MYO10: variants seen among roughly 807,000 people sequenced by gnomAD.
MYO10 encodes the protein unconventional myosin-X.
MYO10 carries 133 observed loss-of-function variants against 257.3 expected under a neutral mutation model. That is an observed-to-expected ratio of 0.52 (90% CI 0.45 to 0.60). MYO10 has a LOEUF of 0.60. Ranked by LOEUF, MYO10 falls within the 20% of genes least tolerant of loss-of-function variation. MYO10 has a pLI of 0.00. For synonymous variants in MYO10, 1,104 were observed against 1,028.6 expected (o/e 1.07, Z -1.40); for missense variants, 2,399 against 2,635.7 (o/e 0.91, Z 1.97).
intron 9 of MYO10, among the ~76,000 whole-genome samples, chr5:16,774,552 G>A (rs1398942058): frequency 6.6e-6 from 1 of 151,896 alleles, no homozygotes; most frequent in Non-Finnish European, 1.5e-5. Flanking sequence ...CTCCCGAGTA[G>A]CTGGGACTAC....
intron 1 of MYO10, among the ~76,000 whole-genome samples, chr5:16,916,893 T>C (rs995857602): frequency 6.6e-6 from 1 of 152,190 alleles, no homozygotes; most frequent in Non-Finnish European, 1.5e-5. Context: ...CTAAAATAAT[T>C]AGATGACACG....
intron 1 of MYO10, among the ~76,000 whole-genome samples, chr5:16,905,704 C>T (rs1046463488): frequency 1.3e-5 from 2 of 152,184 alleles, no homozygotes; most frequent in African/African-American, 4.8e-5. Context: ...GACCCAGTGA[C>T]ACCAAGCGAT....
intron 1 of MYO10, among the ~76,000 whole-genome samples, chr5:16,896,480 C>T (rs1322912649): frequency 6.6e-6 from 1 of 152,066 alleles, no homozygotes; most frequent in South Asian, 2.1e-4. Flanking sequence ...CCTGTAATCA[C>T]ACCTACACAG....
chr5:16,870,478 C>A (rs972721487), intron 2 of MYO10, among the ~76,000 whole-genome samples: 4 of 151,570 alleles, frequency 2.6e-5, no homozygotes, highest in Admixed American at 6.6e-5. Flanking sequence ...ACCTGCCTGT[C>A]AGAATCTGCA....
intron 1 of MYO10, among the ~76,000 whole-genome samples, chr5:16,879,686 T>C (rs145508055): frequency 7.2e-4 from 109 of 152,254 alleles, no homozygotes; most frequent in African/African-American, 2.5e-3. Flanking sequence ...CTGAAAATAA[T>C]TCATAAATAA....
At position 16,666,075 on chromosome 5, in the gene MYO10, T is replaced by TTGAG. The variant is rs1271726619; in HGVS notation, c.*613_*616dup. ...TGCTCATGAAACCATGATTAAAGTG[T>TTGAG]TGAGTTTATGAACACATGCACGAAC... On this transcript the variant is annotated 3_prime_UTR_variant, in exon 41 of 41. Coordinates refer to ENST00000513610, the MANE Select transcript of MYO10 (RefSeq NM_012334.3). 1 of 152,738 alleles carries TTGAG rather than the reference T, an allele frequency of 6.5e-6. No homozygotes were observed. The highest frequency in any genetic ancestry group is 1.9e-4 in the East Asian group (1 of 5,202). 9.5% of individuals were successfully genotyped at this position (152,738 alleles called of 1,614,324 possible).
intron 19 of MYO10, among the ~76,000 whole-genome samples, chr5:16,731,300 C>T (rs1301241986): frequency 2.6e-5 from 4 of 151,778 alleles, no homozygotes; most frequent in Non-Finnish European, 5.9e-5. Context: ...ACCTCAGCCT[C>T]CCAAAGTGCT....
At chr5:16,842,621 A>G (rs1743516166) in intron 2 of MYO10, among the ~76,000 whole-genome samples, 1 of 152,110 alleles carries the variant, frequency 6.6e-6, no homozygotes, top group Non-Finnish European at 1.5e-5. Flanking sequence ...CATCAACACA[A>G]CTGATTACAA....
chr5:16,745,514 C>CG (rs112975325), intron 19 of MYO10, among the ~76,000 whole-genome samples: 11,437 of 151,852 alleles, frequency 0.075, 1,447 homozygotes, highest in African/African-American at 0.26. Flanking sequence ...AGTAAGACCT[C>CG]GTCTCTATGA....
At chr5:16,708,153 C>T (rs1173053318) in intron 21 of MYO10, among the ~76,000 whole-genome samples, 2 of 152,252 alleles carry the variant, frequency 1.3e-5, no homozygotes, top group African/African-American at 2.4e-5. Flanking sequence ...AAACTTCCAT[C>T]CAACTTCTAC....
intron 1 of MYO10, among the ~76,000 whole-genome samples, chr5:16,893,772 AAAT>A (rs1745140348): frequency 8.5e-5 from 13 of 152,146 alleles, no homozygotes; most frequent in Admixed American, 5.2e-4. Flanking sequence ...ATAAATAAAT[AAAT>A]AAGTGGGGGC....
chr5:16,676,738 C>T (rs971688119), intron 33 of MYO10, among the ~76,000 whole-genome samples: 15 of 152,108 alleles, frequency 9.9e-5, no homozygotes, highest in African/African-American at 3.6e-4. Flanking sequence ...AGGCTGGGCA[C>T]AGTGGCTCAT....
Position 16,700,946 on chromosome 5 carries a change from G to C in MYO10, c.3432+17C>G, listed in dbSNP as rs1381641535. ...CCGGCCACCCATTTCACTGGGACACGCCAGGCAGGTACTTACCGAGGACTG... is the reference window on the plus strand; with the variant it reads ...CCGGCCACCCATTTCACTGGGACACCCCAGGCAGGTACTTACCGAGGACTG... On this transcript the variant is annotated intron_variant, in intron 25 of 40. Coordinates refer to ENST00000513610, the MANE Select transcript of MYO10 (RefSeq NM_012334.3). The C allele has an allele frequency of 6.5e-7, 1 of 1,531,552 alleles. No individual in the cohort carries two copies. 94.9% of individuals were successfully genotyped at this position (1,531,552 alleles called of 1,614,324 possible).
chr5:16,701,057 T>C lies in MYO10; in HGVS notation c.3338A>G (p.Tyr1113Cys). ...SGSSVTFSNSYGSQWSPDYRC... is the reference protein window; with the variant it reads ...SGSSVTFSNSCGSQWSPDYRC... ...GTAGTCGGGGGACCACTGGCTGCCG[T>C]AGGAGTTGGAGAAGGTCACGCTGCT... The change falls in exon 25 of 41, where the codon TAC becomes TGC. Residue 1113 changes from tyrosine (Y) to cysteine (C), a missense_variant. Transcript: ENST00000513610. The surrounding 1 kb of genome is among the most constrained non-coding windows in gnomAD (Gnocchi z 8.1). The C allele has an allele frequency of 1.9e-6, 3 of 1,569,120 alleles. No individual in the cohort carries two copies. The highest frequency in any genetic ancestry group is 2.4e-5 in the East Asian group (1 of 42,168).
intron 2 of MYO10, among the ~76,000 whole-genome samples, chr5:16,837,725 C>A (rs1743354725): frequency 6.6e-6 from 1 of 152,130 alleles, no homozygotes; most frequent in Non-Finnish European, 1.5e-5. Flanking sequence ...TATGCTGGTG[C>A]CTTTCCCTCA....
chr5:16,887,203 G>C (rs1173878196), intron 1 of MYO10, among the ~76,000 whole-genome samples: 2 of 152,138 alleles, frequency 1.3e-5, no homozygotes, highest in African/African-American at 4.8e-5. Flanking sequence ...GTCACCACTA[G>C]GAATAGCAGC....
At chr5:16,864,745 A>C (rs1410056749) in intron 2 of MYO10, among the ~76,000 whole-genome samples, 1 of 152,234 alleles carries the variant, frequency 6.6e-6, no homozygotes, top group African/African-American at 2.4e-5. Flanking sequence ...TCCCAGAGTG[A>C]AAATTAATGG....
At chr5:16,718,951 G>C (rs1009006928) in intron 19 of MYO10, among the ~76,000 whole-genome samples, 2 of 152,150 alleles carry the variant, frequency 1.3e-5, no homozygotes, top group African/African-American at 4.8e-5. Flanking sequence ...CAGGCCACTC[G>C]GCTCTACCAA....
chr5:16,714,766 T>A (rs183543752), intron 19 of MYO10, among the ~76,000 whole-genome samples: 2 of 152,226 alleles, frequency 1.3e-5, no homozygotes, highest in East Asian at 3.9e-4. Context: ...GAGCTTGCAG[T>A]GAGCCAAGAT....
Sources: gnomAD v4.1 joint callset for allele counts (sites outside exome capture counted in the v4.1 genomes callset) on GRCh38, gnomAD v4.1.1 for gene constraint, Gnocchi (gnomAD v3.1) non-coding constraint, MANE v1.5 for transcripts, NCBI Gene and HGNC (gene_info 2026-07-23, HGNC 2026-07-21) for gene names.